Variants in SIM2 observed in about 807,000 individuals in gnomAD.
SIM2 encodes single-minded homolog 2.
SIM2 carries 28 observed loss-of-function variants against 64.8 expected under a neutral mutation model. The observed-to-expected ratio is 0.43, with a 90% CI of 0.32 to 0.59. SIM2 has a LOEUF of 0.59. Ranked by LOEUF, SIM2 falls within the 20% of genes least tolerant of loss-of-function variation. The pLI is 0.07. For missense variants in SIM2, 847 were observed against 871.4 expected, an observed-to-expected ratio of 0.97 and a Z score of 0.35; for synonymous variants, 408 against 391.1, an observed-to-expected ratio of 1.04 and a Z score of -0.51.
In SIM2 at chr21:36,741,876, G is replaced by GT. The variant is rs1568940983; in HGVS notation, c.998+13dup. 1 of 1,555,684 alleles carries GT rather than the reference G, an allele frequency of 6.4e-7. No individual in the cohort carries two copies. Among genetic ancestry groups the GT allele is most frequent in the Non-Finnish European group, 8.7e-7 (1 of 1,147,724 alleles). ...AATTATGTACTCACGTAAGTCACAC[G>GT]TATTTGTTTCTCTCCTTGCTCTTTT... On this transcript the variant is annotated intron_variant, in intron 8 of 10. Coordinates refer to ENST00000290399, the MANE Select transcript of SIM2 (RefSeq NM_005069.6).
At chr21:36,727,069 G>A (rs1197243240) in intron 6 of SIM2, among the ~76,000 whole-genome samples, 8 of 152,082 alleles carry the variant, frequency 5.3e-5, no homozygotes, top group African/African-American at 9.7e-5. Flanking sequence ...ACAGAGTTCC[G>A]CTCTTTTGCC....
chr21:36,711,967 T>A (rs1041436), intron 2 of SIM2, among the ~76,000 whole-genome samples: 120,492 of 152,164 alleles, frequency 0.79, 48,309 homozygotes, highest in African/African-American at 0.93. Flanking sequence ...CTCTTGCAAA[T>A]TCTAAATAAT....
chr21:36,725,118 G>C (rs574042506), intron 5 of SIM2, among the ~76,000 whole-genome samples: 1,896 of 152,288 alleles, frequency 0.012, 26 homozygotes, highest in South Asian at 0.037. Context: ...GGCTAATGTG[G>C]GAGGATTGCT....
chr21:36,711,650 T>A (rs1322556642), intron 2 of SIM2, among the ~76,000 whole-genome samples: 1 of 152,188 alleles, frequency 6.6e-6, no homozygotes, highest in Non-Finnish European at 1.5e-5. Flanking sequence ...TTTGGAATAT[T>A]TTTTATGGGG....
intron 7 of SIM2, among the ~76,000 whole-genome samples, chr21:36,735,000 G>A (rs1023414310): frequency 4.6e-5 from 7 of 152,332 alleles, no homozygotes; most frequent in Admixed American, 3.9e-4. Flanking sequence ...ATGGCCAGGG[G>A]AGGAGTGAGC....
chr21:36,706,808 C>T lies in SIM2; in HGVS notation c.176-2360C>T, dbSNP rs138369007. Reference sequence around the variant, plus strand: ...CCACCTCCACCAGGTGGGAAAGGGACGTTTGCACCAAATCTCCGCCGGCAA... The same window carrying T: ...CCACCTCCACCAGGTGGGAAAGGGATGTTTGCACCAAATCTCCGCCGGCAA... On this transcript the variant is annotated intron_variant, in intron 1 of 10. Transcript: ENST00000290399. 9.9e-4 allele frequency among the ~76,000 whole-genome samples: 151 copies of T among 152,276 alleles called. 2 individuals carry two copies. Among genetic ancestry groups the T allele is most frequent in the Admixed American group, 9.1e-3 (139 of 15,308 alleles).
intron 7 of SIM2, among the ~76,000 whole-genome samples, chr21:36,732,198 C>G (rs992944053): frequency 3.3e-5 from 5 of 152,230 alleles, no homozygotes; most frequent in African/African-American, 1.2e-4. Context: ...CTTTCAGAAT[C>G]CAAATGGAGG....
chr21:36,717,710 G>T (rs933118345), intron 3 of SIM2, among the ~76,000 whole-genome samples: 1 of 152,010 alleles, frequency 6.6e-6, no homozygotes, highest in Admixed American at 6.6e-5. Flanking sequence ...GCCTACCAAA[G>T]TGTCAATATA....
At chr21:36,724,757 A>G (rs1436006551) in intron 5 of SIM2, among the ~76,000 whole-genome samples, 1 of 152,184 alleles carries the variant, frequency 6.6e-6, no homozygotes, top group Non-Finnish European at 1.5e-5. Flanking sequence ...AATCCTGGAG[A>G]AAGAGTTTTG....
chr21:36,715,754 C>T (rs2088738466), intron 3 of SIM2, among the ~76,000 whole-genome samples: 1 of 152,172 alleles, frequency 6.6e-6, no homozygotes, highest in Admixed American at 6.5e-5. Flanking sequence ...GGTCTAACCT[C>T]TACTAAATGA....
chr21:36,747,907 G>C lies in SIM2; in HGVS notation c.1819G>C (p.Ala607Pro), dbSNP rs1428317629. 3.8e-6 allele frequency: 4 copies of C among 1,061,128 alleles called. No individual in the cohort carries two copies. Among genetic ancestry groups the C allele is most frequent in the Admixed American group, 4.3e-5 (1 of 23,020 alleles). 65.7% of individuals were successfully genotyped at this position (1,061,128 alleles called of 1,614,324 possible). The change falls in exon 11 of 11, where the codon GCC becomes CCC. Residue 607 changes from alanine (A) to proline (P), a missense_variant. Around this residue, in one of 3 missense-constraint regions of SIM2, gnomAD observed 447 missense variants for 414.6 expected, o/e 1.08. Transcript: ENST00000290399. The surrounding 1 kb of genome is among the most constrained non-coding windows in gnomAD (Gnocchi z 4.5). ...GCTGCTCAACTACCACCGCGTGCTG[G>C]CCCGGCGCGGACCGCTGGGGGGCGC... ...FVLLNYHRVL[A>P]RRGPLGGAAP...
At chr21:36,737,702 T>A (rs1333925239) in intron 7 of SIM2, among the ~76,000 whole-genome samples, 1 of 152,030 alleles carries the variant, frequency 6.6e-6, no homozygotes, top group Non-Finnish European at 1.5e-5. Flanking sequence ...TATTAAAACA[T>A]TTCAATGTCC....
At chr21:36,738,437 G>A (rs750230719) in intron 7 of SIM2, among the ~76,000 whole-genome samples, 10 of 152,160 alleles carry the variant, frequency 6.6e-5, no homozygotes, top group Non-Finnish European at 1.5e-4. Context: ...CCTGGGAGGC[G>A]GAGGTTGCAG....
At chr21:36,715,187 G>A (rs142125752) in intron 3 of SIM2, among the ~76,000 whole-genome samples, 4 of 152,226 alleles carry the variant, frequency 2.6e-5, no homozygotes, top group East Asian at 1.9e-4. Context: ...AGCGTTCCAC[G>A]GTGAACTGTT....
intron 3 of SIM2, among the ~76,000 whole-genome samples, chr21:36,716,156 C>T (rs2088744108): frequency 6.6e-6 from 1 of 152,184 alleles, no homozygotes; most frequent in Non-Finnish European, 1.5e-5. Flanking sequence ...CAATGTTTTT[C>T]CATGCGTGTT....
At chr21:36,709,033 C>G in intron 1 of SIM2, 135 bp from the exon 2 acceptor site, 1 of 697,330 alleles carries the variant, frequency 1.4e-6, no homozygotes, top group Non-Finnish European at 2.4e-6. Context: ...GCTGCGGAGC[C>G]GGGGAGGCGG....
In SIM2 at chr21:36,747,883, C is replaced by T. The variant is rs2089253562; in HGVS notation, c.1795C>T (p.Leu599=). ...PGAPAQLPFV[L]LNYHRVLARR... ...CGCGCCGGCGCAGCTGCCCTTCGTG[C>T]TGCTCAACTACCACCGCGTGCTGGC... Residue 599 remains leucine (L), a synonymous_variant, in exon 11 of 11, where the codon CTG becomes TTG. Transcript: ENST00000290399. The surrounding 1 kb of genome is among the most constrained non-coding windows in gnomAD (Gnocchi z 4.5). The T allele has an allele frequency of 5.6e-6, 6 of 1,072,130 alleles. 1 individual carries two copies. The South Asian group carries it at 1.2e-4, about 21-fold the overall frequency. The allele number at this position is 1,072,130 out of a possible 1,614,324, so 66.4% of individuals were successfully genotyped here.
chr21:36,742,462 C>T (rs556917190), intron 8 of SIM2, among the ~76,000 whole-genome samples: 219 of 486 alleles, frequency 0.45, no homozygotes, highest in Non-Finnish European at 0.46. Context: ...TGCTATGTTG[C>T]CCAGGAGCTG....
intron 1 of SIM2, among the ~76,000 whole-genome samples, chr21:36,702,098 A>G (rs1391043279): frequency 6.6e-6 from 1 of 152,234 alleles, no homozygotes; most frequent in Admixed American, 6.5e-5. Context: ...TGTACCGCTC[A>G]GCCACCTTTA....
Sources: allele counts gnomAD v4.1 joint callset (sites outside exome capture counted in the v4.1 genomes callset), GRCh38; gene constraint gnomAD v4.1.1; regional missense constraint gnomAD v4.1.1; non-coding constraint Gnocchi (gnomAD v3.1); transcripts MANE v1.5; gene names NCBI Gene and HGNC (gene_info 2026-07-23, HGNC 2026-07-21).